The following ZPBP2 variants were observed in gnomAD, a reference collection of about 807,000 sequenced individuals.
ZPBP2 encodes the protein zona pellucida binding protein 2, also known as zona pellucida-binding protein 2.
ZPBP2 carries 34 observed loss-of-function variants against 37.5 expected under a neutral mutation model. The ratio of observed to expected loss-of-function variants is 0.91; its 90% CI spans 0.69 to 1.21. ZPBP2 has a LOEUF of 1.21. Ranked by LOEUF, ZPBP2 falls within the 50% of genes most tolerant of loss-of-function variation. ZPBP2 has a pLI of 0.00. For missense variants in ZPBP2, 397 were observed against 413.5 expected (o/e 0.96, Z 0.35); for synonymous variants, 143 against 138.4 (o/e 1.03, Z -0.23).
In ZPBP2 at chr17:39,871,661, G is replaced by A. The variant is rs200256674; in HGVS notation, c.406+36G>A. The stretch of plus-strand genomic sequence containing the variant: ...AGGCACATTTTAACTTATACATTTA[G>A]TTTGGATCGTAATTAAGTGTATGGT... On this transcript the variant is annotated intron_variant, in intron 4 of 7. Transcript: ENST00000348931. 793 of 1,470,892 alleles carry A rather than the reference G, an allele frequency of 5.4e-4. 5 individuals carry two copies. The highest frequency in any genetic ancestry group is 8.0e-4 in the Admixed American group (34 of 42,254). 91.1% of individuals were successfully genotyped at this position (1,470,892 alleles called of 1,614,324 possible). A position where few individuals can be genotyped will look rare whatever the true frequency, so the allele number is the denominator to read the frequency against.
Position 39,870,699 on chromosome 17 carries a change from ATATATG to A in ZPBP2, c.127_132del (p.Tyr43_Val44del), listed in dbSNP as rs754740432. 1 of 1,415,978 alleles carries A rather than the reference ATATATG, an allele frequency of 7.1e-7. No individual in the cohort carries two copies. Among genetic ancestry groups the A allele is most frequent in the East Asian group, 2.4e-5 (1 of 41,794 alleles). 87.7% of individuals were successfully genotyped at this position (1,415,978 alleles called of 1,614,324 possible). ...ATTATTTTATTTCATCACAGACAAA[ATATATG>A]TAGAGTTACATCAAAATAGTCCAGT... is the stretch of plus-strand genomic sequence containing the variant. On this transcript the variant is annotated inframe_deletion, in exon 3 of 8. Transcript: ENST00000348931.
In ZPBP2 at chr17:39,877,510, C is replaced by G. The variant is rs1244960898; in HGVS notation, c.*701C>G. The G allele has an allele frequency of 6.6e-6, 1 of 152,124 alleles. No homozygotes were observed. Among genetic ancestry groups the G allele is most frequent in the Non-Finnish European group, 1.5e-5 (1 of 68,026 alleles). 9.4% of individuals were successfully genotyped at this position (152,124 alleles called of 1,614,324 possible). On this transcript the variant is annotated 3_prime_UTR_variant, in exon 8 of 8. Coordinates refer to ENST00000348931, the MANE Select transcript of ZPBP2 (RefSeq NM_199321.3). ...TGTTGTAAGGTTATGTGGGTTTTGACAAATTCATAATGGCATGTGTGCACC... is the reference window on the plus strand; with the variant it reads ...TGTTGTAAGGTTATGTGGGTTTTGAGAAATTCATAATGGCATGTGTGCACC...
In ZPBP2 at chr17:39,868,354, G is replaced by C. The variant is rs753413082; in HGVS notation, c.-1G>C. 6.2e-7 allele frequency: 1 copy of C among 1,609,150 alleles called. No homozygotes were observed. Among genetic ancestry groups the C allele is most frequent in the Admixed American group, 1.7e-5 (1 of 60,026 alleles). On this transcript the variant is annotated 5_prime_UTR_variant, in exon 1 of 8. Transcript: ENST00000348931. ...CCTCCTGCGACGCCAGCCCCTGAGC[G>C]ATGATGCGAACGTGCGTCCTACTCT...
At chr17:39,872,616 G>A (rs1315948381) in intron 5 of ZPBP2, 128 bp downstream of exon 5, 11 of 633,162 alleles carry the variant, frequency 1.7e-5, no homozygotes, top group Non-Finnish European at 2.8e-5. Context: ...ACTAAAGTAT[G>A]TAGTTGACCT....
intron 6 of ZPBP2, among the ~76,000 whole-genome samples, chr17:39,874,299 A>C (rs565314826): frequency 6.9e-6 from 1 of 145,962 alleles, no homozygotes; most frequent in African/African-American, 2.5e-5. Context: ...AGCCAAGAAA[A>C]GTCTTGCTTT....
chr17:39,872,700 AAATC>A (rs1374243738), intron 5 of ZPBP2, among the ~76,000 whole-genome samples: 3 of 152,208 alleles, frequency 2.0e-5, no homozygotes, highest in Admixed American at 2.0e-4. Context: ...TGCTTCTTAA[AAATC>A]AATATTTTAT....
Position 39,871,670 on chromosome 17 carries a change from G to A in ZPBP2, c.406+45G>A, listed in dbSNP as rs143367839. The A allele has an allele frequency of 4.3e-4, 607 of 1,409,538 alleles. 2 individuals carry two copies. In the African/African-American group the frequency reaches 6.0e-3, roughly 14 times the overall value. 87.3% of individuals were successfully genotyped at this position (1,409,538 alleles called of 1,614,324 possible). A position where few individuals can be genotyped will look rare whatever the true frequency, so the allele number is the denominator to read the frequency against. On this transcript the variant is annotated intron_variant, in intron 4 of 7. Transcript: ENST00000348931. The stretch of plus-strand genomic sequence containing the variant: ...TTAACTTATACATTTAGTTTGGATC[G>A]TAATTAAGTGTATGGTTTCTTCATT...
At chr17:39,872,179 T>C in intron 4 of ZPBP2, 91 bp from the exon 5 acceptor site, 1 of 917,726 alleles carries the variant, frequency 1.1e-6, no homozygotes, top group Non-Finnish European at 1.6e-6. Context: ...TGATGGGATT[T>C]AGTATTACAT....
chr17:39,870,444 T>C (rs1184679546), intron 2 of ZPBP2, among the ~76,000 whole-genome samples: 1 of 152,226 alleles, frequency 6.6e-6, no homozygotes, highest in East Asian at 1.9e-4. Context: ...ATATCATGTG[T>C]ATTTTTATAA....
In ZPBP2 at chr17:39,868,610, G is replaced by A; in HGVS notation, c.114G>A (p.Gln38=). Residue 38 remains glutamine (Q), a synonymous_variant, in exon 2 of 8, where the codon CAG becomes CAA. Transcript: ENST00000348931. The stretch of plus-strand genomic sequence containing the variant: ...GCTTCATTTATGGCAAGACAGGACA[G>A]CCAGGTAATAAGGGCCTCTGCACAC... The part of the protein sequence containing the change: ...KKGFIYGKTG[Q]PDKIYVELHQ... The A allele has an allele frequency of 6.2e-7, 1 of 1,614,164 alleles. No homozygotes were observed. The highest frequency in any genetic ancestry group is 1.7e-5 in the Admixed American group (1 of 60,018).
chr17:39,868,305 T>TA lies in ZPBP2; in HGVS notation c.-49dup. 6.3e-7 allele frequency: 1 copy of TA among 1,594,128 alleles called. No homozygotes were observed. The highest frequency in any genetic ancestry group is 8.5e-7 in the Non-Finnish European group (1 of 1,174,232). On this transcript the variant is annotated 5_prime_UTR_variant, in exon 1 of 8. Coordinates refer to ENST00000348931, the MANE Select transcript of ZPBP2 (RefSeq NM_199321.3). Reference sequence around the variant, plus strand: ...GGGAGGTGTTGGGCCAGGGCTGAGGTAGGAGGGAGTCTGTCCCTCGACGCC... The same window carrying TA: ...GGGAGGTGTTGGGCCAGGGCTGAGGTAAGGAGGGAGTCTGTCCCTCGACGCC...
chr17:39,869,707 CTTTTTTT>C (rs59544817), intron 2 of ZPBP2, among the ~76,000 whole-genome samples: 72 of 92,994 alleles, frequency 7.7e-4, no homozygotes, highest in Non-Finnish European at 1.1e-3. Context: ...ACCAGCCAAT[CTTTTTTT>C]TTTTTTTTTT....
chr17:39,876,210 C>T (rs1404909472), intron 7 of ZPBP2, among the ~76,000 whole-genome samples: 2 of 152,038 alleles, frequency 1.3e-5, no homozygotes, highest in Non-Finnish European at 2.9e-5. Flanking sequence ...TGAGCCACTG[C>T]GCCCAGCCAA....
intron 4 of ZPBP2, 30 bp downstream of exon 4, chr17:39,871,655 C>T: frequency 6.7e-7 from 1 of 1,490,640 alleles, no homozygotes; most frequent in Non-Finnish European, 9.0e-7. Context: ...TTAACTTATA[C>T]ATTTAGTTTG....
rs747603405 is a variant in ZPBP2, at chr17:39,868,365, C to T, written c.11C>T (p.Thr4Met). The T allele has an allele frequency of 6.2e-7, 1 of 1,609,908 alleles. No individual in the cohort carries two copies. Among genetic ancestry groups the T allele is most frequent in the Non-Finnish European group, 8.5e-7 (1 of 1,179,964 alleles). The change falls in exon 1 of 8, where the codon ACG becomes ATG. Residue 4 changes from threonine (T) to methionine (M), a missense_variant. By Grantham distance (81) the Thr-to-Met change is moderately conservative. Coordinates refer to ENST00000348931, the MANE Select transcript of ZPBP2 (RefSeq NM_199321.3). ...GCCAGCCCCTGAGCGATGATGCGAA[C>T]GTGCGTCCTACTCTCCGCGGTGCTC... is the stretch of plus-strand genomic sequence containing the variant. Reference protein sequence around the residue: MMRTCVLLSAVLWC... With the variant: MMRMCVLLSAVLWC...
At chr17:39,873,900 T>C (rs1488221742) in intron 6 of ZPBP2, among the ~76,000 whole-genome samples, 2 of 152,170 alleles carry the variant, frequency 1.3e-5, no homozygotes, top group African/African-American at 4.8e-5. Context: ...AAGCACTTAG[T>C]TAAAATTAGT....
At chr17:39,873,838 G>A (rs1477792032) in intron 6 of ZPBP2, among the ~76,000 whole-genome samples, 1 of 152,012 alleles carries the variant, frequency 6.6e-6, no homozygotes, top group Non-Finnish European at 1.5e-5. Context: ...TTCACTCTCT[G>A]GTCTAGTTCC....
chr17:39,872,487 AGG>A lies in ZPBP2; in HGVS notation c.625_625+1del. 6.4e-6 allele frequency: 10 copies of A among 1,573,170 alleles called. No individual in the cohort carries two copies. The highest frequency in any genetic ancestry group is 8.6e-6 in the Non-Finnish European group (10 of 1,164,882). On this transcript the variant is annotated splice_donor_variant and coding_sequence_variant, in exon 5 of 8. Coordinates refer to ENST00000348931, the MANE Select transcript of ZPBP2 (RefSeq NM_199321.3). LOFTEE classifies it high-confidence loss of function. ...TACATGAGCTATTTATAGCATTTCA[AGG>A]TAAAATTTTTAAAATTTCTTTAATT...
chr17:39,876,606 G>T, intron 7 of ZPBP2, 76 bp from the exon 8 acceptor site: 1 of 1,514,844 alleles, frequency 6.6e-7, no homozygotes, highest in African/African-American at 1.4e-5. Context: ...TTATATTGTT[G>T]GTATAGAATA....
Sources: gnomAD v4.1 joint callset for allele counts (sites outside exome capture counted in the v4.1 genomes callset) on GRCh38, gnomAD v4.1.1 for gene constraint, MANE v1.5 for transcripts, NCBI Gene and HGNC (gene_info 2026-07-23, HGNC 2026-07-21) for gene names.